Variants in PDE3A observed in about 807,000 individuals in gnomAD.
PDE3A encodes phosphodiesterase 3A.
In PDE3A, 43 loss-of-function variants were observed where a neutral mutation model predicts 98.3. The observed-to-expected ratio is 0.44, with a 90% CI of 0.34 to 0.56. The LOEUF (loss-of-function observed/expected upper bound fraction) is 0.56. Among genes scored for constraint, PDE3A ranks in the 20% least tolerant of loss-of-function variants. The pLI, the probability that PDE3A is intolerant of heterozygous loss-of-function variation, is 0.01. For synonymous variants in PDE3A, 663 were observed against 567.9 expected (o/e 1.17, Z -2.38); for missense variants, 1,427 against 1,440.7 (o/e 0.99, Z 0.15).
chr12:20,563,236 C>A (rs1942574979), intron 2 of PDE3A, among the ~76,000 whole-genome samples: 1 of 152,188 alleles, frequency 6.6e-6, no homozygotes, highest in African/African-American at 2.4e-5. Context: ...GATGCAGTGA[C>A]AGGTCACTTC....
intron 1 of PDE3A, among the ~76,000 whole-genome samples, chr12:20,427,925 G>A (rs1007301586): frequency 4.6e-5 from 7 of 151,506 alleles, no homozygotes; most frequent in Non-Finnish European, 8.8e-5. Context: ...AATATTTTAG[G>A]CCGGGCATGG....
At chr12:20,392,316 A>C (rs957429180) in intron 1 of PDE3A, among the ~76,000 whole-genome samples, 1 of 151,948 alleles carries the variant, frequency 6.6e-6, no homozygotes, top group Non-Finnish European at 1.5e-5. Context: ...AAAACACTAC[A>C]TAAATATTAA....
chr12:20,476,859 A>G (rs566188232), intron 1 of PDE3A, among the ~76,000 whole-genome samples: 1 of 152,348 alleles, frequency 6.6e-6, no homozygotes, highest in Admixed American at 6.5e-5. Flanking sequence ...TGCTTATTAA[A>G]GTATACATTG....
At chr12:20,517,098 A>G (rs927921592) in intron 1 of PDE3A, among the ~76,000 whole-genome samples, 2 of 152,200 alleles carry the variant, frequency 1.3e-5, no homozygotes, top group Non-Finnish European at 2.9e-5. Context: ...GACAGCAGAA[A>G]TGTGTTCTTC....
chr12:20,628,000 T>C (rs1944305369), intron 5 of PDE3A, among the ~76,000 whole-genome samples: 1 of 152,206 alleles, frequency 6.6e-6, no homozygotes, highest in Non-Finnish European at 1.5e-5. Flanking sequence ...CACCCATATA[T>C]GTGTAATAGT....
chr12:20,393,298 G>A (rs1200523484), intron 1 of PDE3A, among the ~76,000 whole-genome samples: 2 of 151,796 alleles, frequency 1.3e-5, no homozygotes, highest in South Asian at 2.1e-4. Context: ...CATAGATGGC[G>A]GCAAGCAAAG....
intron 1 of PDE3A, among the ~76,000 whole-genome samples, chr12:20,429,359 T>G (rs1480057864): frequency 2.6e-5 from 4 of 152,358 alleles, no homozygotes; most frequent in Non-Finnish European, 5.9e-5. Flanking sequence ...CTGTGTTTTC[T>G]TATTATTAAC....
intron 2 of PDE3A, among the ~76,000 whole-genome samples, chr12:20,596,852 C>G (rs571252313): frequency 6.6e-6 from 1 of 152,088 alleles, no homozygotes; most frequent in African/African-American, 2.4e-5. Context: ...TACTTAGGCT[C>G]TCATTAATTG....
At chr12:20,651,453 T>C (rs1167613510) in intron 14 of PDE3A, among the ~76,000 whole-genome samples, 1 of 152,144 alleles carries the variant, frequency 6.6e-6, no homozygotes, top group African/African-American at 2.4e-5. Flanking sequence ...TAGAAATCGG[T>C]TAATCAACAT....
chr12:20,439,689 C>A (rs1041561284), intron 1 of PDE3A, among the ~76,000 whole-genome samples: 8 of 152,134 alleles, frequency 5.3e-5, no homozygotes, highest in Admixed American at 3.9e-4. Context: ...CCTTGCAATG[C>A]GTAATTCAAA....
chr12:20,390,650 A>G (rs913648849), intron 1 of PDE3A, among the ~76,000 whole-genome samples: 1 of 151,710 alleles, frequency 6.6e-6, no homozygotes, highest in African/African-American at 2.4e-5. Flanking sequence ...AGGGAAGATG[A>G]TGTGTTTGGT....
chr12:20,462,705 C>T (rs963788368), intron 1 of PDE3A, among the ~76,000 whole-genome samples: 2 of 152,034 alleles, frequency 1.3e-5, no homozygotes, highest in African/African-American at 2.4e-5. Flanking sequence ...TTACTCTAAA[C>T]ATTTACTTCA....
chr12:20,680,020 T>C lies in PDE3A; in HGVS notation c.3185-10T>C. 1 of 1,580,160 alleles carries C rather than the reference T, an allele frequency of 6.3e-7. No individual in the cohort carries two copies. Among genetic ancestry groups the C allele is most frequent in the Non-Finnish European group, 8.6e-7 (1 of 1,157,488 alleles). On this transcript the variant is annotated splice_polypyrimidine_tract_variant and intron_variant, in intron 15 of 15. Transcript: ENST00000359062. Reference sequence around the variant, plus strand: ...GTCTGATTTGGTGTTTTTTATTTTATTTATTTTAGAAAAGAAGACTTTCAA... The same window carrying C: ...GTCTGATTTGGTGTTTTTTATTTTACTTATTTTAGAAAAGAAGACTTTCAA...
chr12:20,378,367 T>C lies in PDE3A; in HGVS notation c.960+8123T>C, dbSNP rs1356825166. Among the ~76,000 whole-genome samples the C allele has an allele frequency of 2.6e-5, 4 of 151,878 alleles. No homozygotes were observed. In the East Asian group the frequency reaches 7.7e-4, roughly 29 times the overall value. On this transcript the variant is annotated intron_variant, in intron 1 of 15. Transcript: ENST00000359062. ...CTACATCAAGAAATAAAGAGAAAATTATATATGGCATTTTACTTTATATAT... is the reference window on the plus strand; with the variant it reads ...CTACATCAAGAAATAAAGAGAAAATCATATATGGCATTTTACTTTATATAT...
intron 2 of PDE3A, among the ~76,000 whole-genome samples, chr12:20,578,448 G>A (rs1942990550): frequency 1.4e-5 from 2 of 147,360 alleles, no homozygotes; most frequent in South Asian, 4.4e-4. Context: ...GCAGTTAAGT[G>A]TCACGTTCTG....
intron 15 of PDE3A, among the ~76,000 whole-genome samples, chr12:20,675,989 G>A (rs555377054): frequency 4.2e-4 from 64 of 152,110 alleles, no homozygotes; most frequent in African/African-American, 1.5e-3. Context: ...GGTGATTATC[G>A]ATATCTGAGT....
At chr12:20,642,727 C>G (rs1944672855) in intron 10 of PDE3A, among the ~76,000 whole-genome samples, 1 of 152,034 alleles carries the variant, frequency 6.6e-6, no homozygotes, top group South Asian at 2.1e-4. Flanking sequence ...TAGTTCAGTT[C>G]AATTCAGCTG....
At chr12:20,411,398 A>G (rs989435425) in intron 1 of PDE3A, among the ~76,000 whole-genome samples, 12 of 152,122 alleles carry the variant, frequency 7.9e-5, no homozygotes, top group East Asian at 3.9e-4. Flanking sequence ...ATAGGACAGT[A>G]TGTGTCTTTT....
In PDE3A at chr12:20,648,780, A is replaced by G. The variant is rs1319323709; in HGVS notation, c.2658A>G (p.Leu886=). The G allele has an allele frequency of 6.2e-7, 1 of 1,612,998 alleles. No individual in the cohort carries two copies. The change falls in exon 13 of 16, where the codon TTA becomes TTG. Residue 886 remains leucine, a synonymous_variant. Transcript: ENST00000359062. ...LFMSRPEYNF[L]INLDHVEFKH... The stretch of plus-strand genomic sequence containing the variant: ...TGTCCCGGCCAGAGTATAACTTCTT[A>G]ATTAACCTTGACCATGTGGAATTTA...
Sources: gnomAD v4.1 joint callset for allele counts (sites outside exome capture counted in the v4.1 genomes callset) on GRCh38, gnomAD v4.1.1 for gene constraint, MANE v1.5 for transcripts, NCBI Gene and HGNC (gene_info 2026-07-23, HGNC 2026-07-21) for gene names.